The following ETS1 variants were observed in gnomAD, a reference collection of about 807,000 sequenced individuals.
The protein encoded by ETS1 is protein C-ets-1.
Under a neutral mutation model 58.6 loss-of-function variants are expected in ETS1, and 15 were observed. The ratio of observed to expected loss-of-function variants is 0.26; its 90% CI spans 0.17 to 0.39. ETS1 has a LOEUF of 0.39. Among genes scored for constraint, ETS1 ranks in the 10% least tolerant of loss-of-function variants. ETS1 has a pLI of 1.00. For missense variants in ETS1, 417 were observed against 610.5 expected (o/e 0.68, Z 3.34); for synonymous variants, 214 against 218.2 (o/e 0.98, Z 0.17).
At chr11:128,468,742 C>A (rs919979340) in intron 8 of ETS1, among the ~76,000 whole-genome samples, 1 of 152,108 alleles carries the variant, frequency 6.6e-6, no homozygotes, top group Non-Finnish European at 1.5e-5. Context: ...TGGTCTCTGT[C>A]CATTTCTCCC....
chr11:128,568,779 A>G (rs1210661466), intron 2 of ETS1, among the ~76,000 whole-genome samples: 1 of 151,728 alleles, frequency 6.6e-6, no homozygotes, highest in Admixed American at 6.6e-5. Flanking sequence ...AGATAACGTT[A>G]ATGTGACCTC....
chr11:128,483,539 C>T (rs1862546041), intron 7 of ETS1, among the ~76,000 whole-genome samples: 1 of 152,130 alleles, frequency 6.6e-6, no homozygotes, highest in Non-Finnish European at 1.5e-5. Flanking sequence ...TAAAAAAGAG[C>T]CAGAAAGGGG....
At chr11:128,508,823 G>T (rs1425770479) in intron 3 of ETS1, among the ~76,000 whole-genome samples, 2 of 152,174 alleles carry the variant, frequency 1.3e-5, no homozygotes, top group African/African-American at 2.4e-5. Context: ...AGCCTAGTGT[G>T]TATTCTGCAC....
Position 128,573,098 on chromosome 11 carries a change from G to A in ETS1, c.33C>T (p.Ser11=). The change falls in exon 2 of 10, where the codon AGC becomes AGT. Residue 11 remains serine, a synonymous_variant. Transcript: ENST00000392668. Reference sequence around the variant, plus strand: ...GACGAGGCGCTGAGTAAGGGACGGGGCTGCTCCCAGCAGAATCCACAAAGT... The same window carrying A: ...GACGAGGCGCTGAGTAAGGGACGGGACTGCTCCCAGCAGAATCCACAAAGT... MSYFVDSAGS[S]PVPYSAPRPA... 1 of 1,601,292 alleles carries A rather than the reference G, an allele frequency of 6.2e-7. No homozygotes were observed. Among genetic ancestry groups the A allele is most frequent in the Non-Finnish European group, 8.5e-7 (1 of 1,174,058 alleles).
At chr11:128,489,582 T>C (rs568833461) in intron 4 of ETS1, 92 bp from the exon 5 acceptor site, 2 of 971,314 alleles carry the variant, frequency 2.1e-6, no homozygotes, top group African/African-American at 1.6e-5. Context: ...TGAATTTAGC[T>C]GAGAATGCTA....
At chr11:128,542,276 G>T (rs1010004590) in intron 3 of ETS1, among the ~76,000 whole-genome samples, 1 of 152,184 alleles carries the variant, frequency 6.6e-6, no homozygotes, top group African/African-American at 2.4e-5. Flanking sequence ...TGAGGTCTAT[G>T]ACTATGGACT....
rs115731159 is a variant in ETS1 at position 128,492,620 on chromosome 11, T to C, written c.215-2044A>G. Among the ~76,000 whole-genome samples the C allele has an allele frequency of 2.0e-3, 309 of 151,016 alleles. 1 individual carries two copies. The highest frequency in any genetic ancestry group is 7.0e-3 in the African/African-American group (286 of 41,134). ...ATCCCAGATTGTTAGGGGGAAGTAA[T>C]TGGGGGAGGGGATAGAATGTTGATT... On this transcript the variant is annotated intron_variant, in intron 3 of 9. Coordinates refer to ENST00000392668, the MANE Select transcript of ETS1 (RefSeq NM_001143820.2).
chr11:128,476,039 T>C (rs1338031135), intron 8 of ETS1, among the ~76,000 whole-genome samples: 1 of 152,222 alleles, frequency 6.6e-6, no homozygotes, highest in African/African-American at 2.4e-5. Context: ...AGTTAGTGAA[T>C]GGCTTTGGGT....
chr11:128,562,576 G>T (rs1038367448), intron 2 of ETS1, among the ~76,000 whole-genome samples: 7 of 152,168 alleles, frequency 4.6e-5, no homozygotes, highest in African/African-American at 1.7e-4. Context: ...GAGGCTACCA[G>T]AGGACATGAG....
intron 3 of ETS1, among the ~76,000 whole-genome samples, chr11:128,497,253 T>C (rs1862968613): frequency 6.6e-6 from 1 of 152,200 alleles, no homozygotes; most frequent in Non-Finnish European, 1.5e-5. Context: ...TTGCTGCCAA[T>C]GCACACAGTC....
intron 3 of ETS1, among the ~76,000 whole-genome samples, chr11:128,519,296 C>A (rs116783969): frequency 6.6e-6 from 1 of 152,100 alleles, no homozygotes; most frequent in East Asian, 1.9e-4. Flanking sequence ...CCAGGTCTTG[C>A]GGCTCCTGTT....
At position 128,522,214 on chromosome 11, in the gene ETS1, G is replaced by A. The variant is rs1020876409; in HGVS notation, c.215-31638C>T. 3.2e-6 allele frequency: 4 copies of A among 1,236,666 alleles called. No homozygotes were observed. In the African/African-American group the frequency reaches 4.7e-5, roughly 15 times the overall value. The allele number at this position is 1,236,666 out of a possible 1,614,324, so 76.6% of individuals were successfully genotyped here. On this transcript the variant is annotated intron_variant, in intron 3 of 9. Transcript: ENST00000392668. Reference sequence around the variant, plus strand: ...ACTTTGCGGCGAAGTGAGCGCGCTCGGGTCCCAGCCTCGCCCGCGCCGCGC... The same window carrying A: ...ACTTTGCGGCGAAGTGAGCGCGCTCAGGTCCCAGCCTCGCCCGCGCCGCGC...
intron 3 of ETS1, among the ~76,000 whole-genome samples, chr11:128,545,058 T>C (rs1864113479): frequency 1.3e-5 from 2 of 152,082 alleles, no homozygotes; most frequent in African/African-American, 4.8e-5. Context: ...GGGAGTATGA[T>C]GCTTAGGTGA....
chr11:128,582,659 C>T (rs1864897991), intron 1 of ETS1, among the ~76,000 whole-genome samples: 1 of 152,126 alleles, frequency 6.6e-6, no homozygotes, highest in African/African-American at 2.4e-5. Flanking sequence ...GGTTGAGTAG[C>T]ATTAGTCAAG....
At chr11:128,471,251 G>A (rs1270206676) in intron 8 of ETS1, among the ~76,000 whole-genome samples, 1 of 152,204 alleles carries the variant, frequency 6.6e-6, no homozygotes, top group Non-Finnish European at 1.5e-5. Flanking sequence ...GCTGGCAACT[G>A]GCCAGTGGAG....
intron 2 of ETS1, among the ~76,000 whole-genome samples, chr11:128,561,406 G>A (rs1864402869): frequency 6.6e-6 from 1 of 152,226 alleles, no homozygotes; most frequent in Non-Finnish European, 1.5e-5. Context: ...TACTGATCTT[G>A]ACTTTATTTA....
At chr11:128,477,474 AGGCTGTATG>A (rs1329897549) in intron 8 of ETS1, among the ~76,000 whole-genome samples, 2 of 152,190 alleles carry the variant, frequency 1.3e-5, no homozygotes, top group Non-Finnish European at 2.9e-5. Context: ...GTGGTGGGTG[AGGCTGTATG>A]GGCACATTTC....
intron 3 of ETS1, among the ~76,000 whole-genome samples, chr11:128,550,870 A>C (rs562163350): frequency 5.6e-4 from 85 of 152,344 alleles, no homozygotes; most frequent in Non-Finnish European, 9.0e-4. Context: ...TGAGCTAGAA[A>C]ATTGAAAGAA....
chr11:128,551,057 G>A lies in ETS1; in HGVS notation c.214+5234C>T, dbSNP rs529000990. Among the ~76,000 whole-genome samples the A allele has an allele frequency of 6.6e-4, 101 of 152,226 alleles. 1 individual carries two copies. The highest frequency in any genetic ancestry group is 3.5e-4 in the Non-Finnish European group (24 of 68,030). ...CTAAAGCACACACACTCTCAGGACC[G>A]TTCTGTTCTGAAGAACAAAGAACCT... On this transcript the variant is annotated intron_variant, in intron 3 of 9. Coordinates refer to ENST00000392668, the MANE Select transcript of ETS1 (RefSeq NM_001143820.2).
Sources: gnomAD v4.1 joint callset for allele counts (sites outside exome capture counted in the v4.1 genomes callset) on GRCh38, gnomAD v4.1.1 for gene constraint, MANE v1.5 for transcripts, NCBI Gene and HGNC (gene_info 2026-07-23, HGNC 2026-07-21) for gene names.